PLBD1: variants seen among roughly 807,000 people sequenced by gnomAD.
The protein encoded by PLBD1 is phospholipase B domain containing 1.
PLBD1 carries 60 observed loss-of-function variants against 63.0 expected under a neutral mutation model. The ratio of observed to expected loss-of-function variants is 0.95; its 90% CI spans 0.77 to 1.18. The LOEUF (loss-of-function observed/expected upper bound fraction) is 1.18. Among genes scored for constraint, PLBD1 ranks in the 50% most tolerant of loss-of-function variants. The pLI, the probability that PLBD1 is intolerant of heterozygous loss-of-function variation, is 0.00. For missense variants in PLBD1, 598 were observed against 677.9 expected (o/e 0.88, Z 1.31); for synonymous variants, 262 against 248.0 (o/e 1.06, Z -0.53).
intron 1 of PLBD1, among the ~76,000 whole-genome samples, chr12:14,562,022 A>G (rs757225894): frequency 2.0e-5 from 3 of 152,210 alleles, no homozygotes; most frequent in Non-Finnish European, 2.9e-5. Flanking sequence ...GGTGTGAATA[A>G]CTTGACACTC....
rs199681167 is a variant in PLBD1, at chr12:14,511,425, C to T, written c.1046-25G>A. The T allele has an allele frequency of 7.1e-5, 114 of 1,613,076 alleles. 1 individual carries two copies. Among genetic ancestry groups the T allele is most frequent in the African/African-American group, 4.8e-4 (36 of 74,980 alleles). On this transcript the variant is annotated intron_variant, in intron 7 of 10. Coordinates refer to ENST00000240617, the MANE Select transcript of PLBD1 (RefSeq NM_024829.6). ...CCTGAAATATCAGGAAACATGAAGA[C>T]GGGGCATGGGTATGACTTTACTGGT...
chr12:14,527,238 A>G (rs1259236250), intron 6 of PLBD1, among the ~76,000 whole-genome samples: 2 of 152,128 alleles, frequency 1.3e-5, no homozygotes, highest in Non-Finnish European at 2.9e-5. Context: ...GTTATTTGTG[A>G]AGGACTTTTG....
In PLBD1 at chr12:14,535,798, A is replaced by G. The variant is rs765606238; in HGVS notation, c.705T>C (p.Leu235=). ...CAAAAAGGATGTTCTCAAATCCAGG[A>G]AGAACCTACAGCCAGAATCATAGTG... ...MGHCSALIKV[L]PGFENILFAH... Residue 235 remains leucine (L), a synonymous_variant, in exon 6 of 11, where the codon CTT becomes CTC. Transcript: ENST00000240617. The G allele has an allele frequency of 6.2e-7, 1 of 1,613,506 alleles. No homozygotes were observed. The highest frequency in any genetic ancestry group is 8.5e-7 in the Non-Finnish European group (1 of 1,179,808).
At position 14,503,666 on chromosome 12, in the gene PLBD1, G is replaced by A; in HGVS notation, c.*106C>T. Reference sequence around the variant, plus strand: ...ACAACAAAGTCAGTGGGAAATGAAAGTGACAAATTAATATATTTTATTGCA... The same window carrying A: ...ACAACAAAGTCAGTGGGAAATGAAAATGACAAATTAATATATTTTATTGCA... On this transcript the variant is annotated 3_prime_UTR_variant, in exon 11 of 11. Coordinates refer to ENST00000240617, the MANE Select transcript of PLBD1 (RefSeq NM_024829.6). The A allele has an allele frequency of 8.8e-7, 1 of 1,141,266 alleles. No individual in the cohort carries two copies. The allele number at this position is 1,141,266 out of a possible 1,614,324, so 70.7% of individuals were successfully genotyped here.
intron 1 of PLBD1, among the ~76,000 whole-genome samples, chr12:14,563,915 G>C (rs1319637455): frequency 6.6e-6 from 1 of 152,158 alleles, no homozygotes; most frequent in Non-Finnish European, 1.5e-5. Flanking sequence ...GCAACTGTGA[G>C]GCCTTATGTC....
At chr12:14,529,120 A>C (rs987806971) in intron 6 of PLBD1, among the ~76,000 whole-genome samples, 1 of 152,088 alleles carries the variant, frequency 6.6e-6, no homozygotes, top group African/African-American at 2.4e-5. Flanking sequence ...ACTTGAGCCT[A>C]GGTGTTTGAG....
chr12:14,521,422 G>A (rs565231387), intron 6 of PLBD1, among the ~76,000 whole-genome samples: 45 of 152,084 alleles, frequency 3.0e-4, no homozygotes, highest in Middle Eastern at 6.8e-3. Flanking sequence ...CACCCGTGGC[G>A]CATGAAACAA....
chr12:14,536,578 G>C lies in PLBD1; in HGVS notation c.691C>G (p.Leu231Val). The change falls in exon 5 of 11, where the codon CTT becomes GTT. Residue 231 changes from leucine (L) to valine (V), a missense_variant. Leu to Val is a conservative substitution (Grantham distance 32). Coordinates refer to ENST00000240617, the MANE Select transcript of PLBD1 (RefSeq NM_024829.6). ...GAGCTGCTATGTCTTACCTTGATAA[G>C]AGCGGAGCAATGTCCCATGTCCCAT... ...KRWDMGHCSA[L>V]IKVLPGFENI... 2 of 1,614,160 alleles carry C rather than the reference G, an allele frequency of 1.2e-6. No homozygotes were observed. Among genetic ancestry groups the C allele is most frequent in the Non-Finnish European group, 1.7e-6 (2 of 1,180,006 alleles).
intron 6 of PLBD1, among the ~76,000 whole-genome samples, chr12:14,526,888 CT>C (rs1290810010): frequency 8.5e-5 from 13 of 152,300 alleles, no homozygotes; most frequent in African/African-American, 3.1e-4. Context: ...AGGAGAATCA[CT>C]TGAACCCGGG....
In PLBD1 at chr12:14,511,243, C is replaced by G; in HGVS notation, c.1186+17G>C. ...CATACTCATCAGGTTTTAAGACTTA[C>G]GACATGAAGAAAGTACCTTTCCGTA... On this transcript the variant is annotated intron_variant, in intron 8 of 10. Coordinates refer to ENST00000240617, the MANE Select transcript of PLBD1 (RefSeq NM_024829.6). 1 of 1,411,624 alleles carries G rather than the reference C, an allele frequency of 7.1e-7. No homozygotes were observed. The highest frequency in any genetic ancestry group is 9.4e-7 in the Non-Finnish European group (1 of 1,059,596). The allele number at this position is 1,411,624 out of a possible 1,614,324, so 87.4% of individuals were successfully genotyped here.
At chr12:14,564,632 C>T (rs575637159) in intron 1 of PLBD1, among the ~76,000 whole-genome samples, 1 of 152,212 alleles carries the variant, frequency 6.6e-6, no homozygotes, top group African/African-American at 2.4e-5. Context: ...AAAAATTATG[C>T]TAAGTCTGAT....
At position 14,543,035 on chromosome 12, in the gene PLBD1, G is replaced by T. The variant is rs78680595; in HGVS notation, c.336-744C>A. ...TAAAAAAATTAAAAATGTCTCATAT[G>T]GTGTACAGTTAATATTTTTAATTGA... is the stretch of plus-strand genomic sequence containing the variant. On this transcript the variant is annotated intron_variant, in intron 2 of 10. Transcript: ENST00000240617. Among the ~76,000 whole-genome samples the T allele has an allele frequency of 3.3e-3, 505 of 151,330 alleles. 2 individuals are homozygous for T. Among genetic ancestry groups the T allele is most frequent in the African/African-American group, 0.012 (490 of 41,250 alleles).
At chr12:14,549,711 C>T (rs1169931953) in intron 2 of PLBD1, among the ~76,000 whole-genome samples, 1 of 152,094 alleles carries the variant, frequency 6.6e-6, no homozygotes, top group Non-Finnish European at 1.5e-5. Context: ...TCTTGTTGCC[C>T]AGGCTGGAGT....
chr12:14,567,482 C>T lies in PLBD1; in HGVS notation c.115+100G>A, dbSNP rs1945800102. On this transcript the variant is annotated intron_variant, in intron 1 of 10. Coordinates refer to ENST00000240617, the MANE Select transcript of PLBD1 (RefSeq NM_024829.6). Reference sequence around the variant, plus strand: ...TCTCTGAGTTCACCCAGGAACCAGACGCCCGCTGGACGTCAACTCGGCCGG... The same window carrying T: ...TCTCTGAGTTCACCCAGGAACCAGATGCCCGCTGGACGTCAACTCGGCCGG... The T allele has an allele frequency of 5.1e-6, 7 of 1,368,920 alleles. No individual in the cohort carries two copies. In the East Asian group the frequency reaches 2.2e-4, roughly 42 times the overall value. The allele number at this position is 1,368,920 out of a possible 1,614,324, so 84.8% of individuals were successfully genotyped here.
chr12:14,554,245 C>T (rs1318550904), intron 1 of PLBD1: 2 of 152,478 alleles, frequency 1.3e-5, no homozygotes, highest in Non-Finnish European at 2.9e-5. Flanking sequence ...TGGTTCACCT[C>T]CATTCTTTGA....
In PLBD1 at chr12:14,514,285, G is replaced by A. The variant is rs35590448; in HGVS notation, c.845-2574C>T. 7.4e-3 allele frequency among the ~76,000 whole-genome samples: 1,134 copies of A among 152,216 alleles called. 13 individuals carry two copies. Among genetic ancestry groups the A allele is most frequent in the Middle Eastern group, 0.034 (10 of 294 alleles). ...GTAAAATGGATTGCATTCGTGTCTT[G>A]GGCTGGGATCATTTTTCAAACTGTA... On this transcript the variant is annotated intron_variant, in intron 6 of 10. Transcript: ENST00000240617.
chr12:14,505,490 G>A (rs1301451884), intron 10 of PLBD1, among the ~76,000 whole-genome samples: 2 of 152,070 alleles, frequency 1.3e-5, no homozygotes, highest in African/African-American at 4.8e-5. Context: ...TCTTTGTGAG[G>A]AAAAAAGTTC....
In PLBD1 at chr12:14,503,891, C is replaced by T. The variant is rs1945226042; in HGVS notation, c.1543G>A (p.Gly515Ser). 1 of 1,613,884 alleles carries T rather than the reference C, an allele frequency of 6.2e-7. No individual in the cohort carries two copies. The highest frequency in any genetic ancestry group is 1.7e-5 in the Admixed American group (1 of 59,992). Residue 515 changes from glycine to serine, a missense_variant, in exon 11 of 11, where the codon GGT (glycine) becomes AGT (serine). Transcript: ENST00000240617. The part of the protein sequence containing the change: ...SYAISGPTVQ[G>S]GLPVFRWDRF... ...TCCCAGCGAAAAACAGGGAGGCCAC[C>T]TTGTACTGTGGGACCACTTATGGCA...
intron 6 of PLBD1, among the ~76,000 whole-genome samples, chr12:14,514,598 CA>C (rs1945323983): frequency 1.3e-5 from 2 of 152,076 alleles, no homozygotes; most frequent in Non-Finnish European, 2.9e-5. Flanking sequence ...AACTGGCCTG[CA>C]AAAACTATAG....
Sources: gnomAD v4.1 joint callset for allele counts (sites outside exome capture counted in the v4.1 genomes callset) on GRCh38, gnomAD v4.1.1 for gene constraint, MANE v1.5 for transcripts, NCBI Gene and HGNC (gene_info 2026-07-23, HGNC 2026-07-21) for gene names.